Variants in NUCB2 observed in about 807,000 individuals in gnomAD.
NUCB2 encodes nucleobindin-2.
Under a neutral mutation model 57.9 loss-of-function variants are expected in NUCB2, and 48 were observed. The observed-to-expected ratio is 0.83, with a 90% CI of 0.66 to 1.05. The LOEUF is 1.05. Ranked by LOEUF, NUCB2 falls within the 50% of genes least tolerant of loss-of-function variation. The probability of loss-of-function intolerance (pLI) is 0.00; values close to 1 mark genes in which losing one functional copy is unlikely to be tolerated. For missense variants in NUCB2, 442 were observed against 476.2 expected, an observed-to-expected ratio of 0.93 and a Z score of 0.67; for synonymous variants, 139 against 152.1, an observed-to-expected ratio of 0.91 and a Z score of 0.64.
chr11:17,331,268 T>A (rs1256532738), intron 13 of NUCB2, 144 bp from the exon 14 acceptor site: 4 of 523,186 alleles, frequency 7.6e-6, no homozygotes, highest in Non-Finnish European at 1.3e-5. Flanking sequence ...ATTATATTAA[T>A]CTTACCAGAG....
intron 2 of NUCB2, among the ~76,000 whole-genome samples, chr11:17,339,042 C>T (rs1203730022): frequency 6.6e-6 from 1 of 151,744 alleles, no homozygotes; most frequent in Non-Finnish European, 1.5e-5. Flanking sequence ...GGCTGGAGTG[C>T]AGTGGCGCAA....
rs978534500 is a variant in NUCB2, at chr11:17,301,934, C to T, written c.379+64C>T. The T allele has an allele frequency of 1.7e-5, 24 of 1,432,926 alleles. No individual in the cohort carries two copies. The African/African-American group carries it at 3.1e-4, about 19-fold the overall frequency. 88.8% of individuals were successfully genotyped at this position (1,432,926 alleles called of 1,614,324 possible). A position where few individuals can be genotyped will look rare whatever the true frequency, so the allele number is the denominator to read the frequency against. On this transcript the variant is annotated intron_variant, in intron 5 of 13. Coordinates refer to ENST00000529010, the MANE Select transcript of NUCB2 (RefSeq NM_005013.4). The stretch of plus-strand genomic sequence containing the variant: ...TTTCCTTTTGAAACAGCGTTTTACC[C>T]TGTGGTTCAGGCTGGAGTGCAGTGG...
downstream of NUCB2, chr11:17,334,437 C>T (rs533544800): frequency 1.3e-5 from 2 of 152,408 alleles, no homozygotes; most frequent in South Asian, 4.1e-4. Flanking sequence ...ACATCTCTTC[C>T]TGCCTCTGTC....
intron 5 of NUCB2, among the ~76,000 whole-genome samples, chr11:17,304,239 CTAG>C (rs1458394756): frequency 1.3e-5 from 2 of 151,300 alleles, no homozygotes; most frequent in East Asian, 3.9e-4. Context: ...GTCACCCATG[CTAG>C]AGCATGCAGT....
chr11:17,338,146 C>T (rs763855612), intron 2 of NUCB2, among the ~76,000 whole-genome samples: 1 of 152,122 alleles, frequency 6.6e-6, no homozygotes, highest in Admixed American at 6.5e-5. Context: ...GCATTGCCAA[C>T]CTGTTTATTG....
chr11:17,302,403 A>G (rs1194299825), intron 5 of NUCB2, among the ~76,000 whole-genome samples: 3 of 152,186 alleles, frequency 2.0e-5, no homozygotes, highest in African/African-American at 4.8e-5. Context: ...AAAGTAATCA[A>G]TTAAACAACT....
At chr11:17,293,811 A>G (rs772090750) in intron 2 of NUCB2, among the ~76,000 whole-genome samples, 1 of 152,236 alleles carries the variant, frequency 6.6e-6, no homozygotes, top group Non-Finnish European at 1.5e-5. Context: ...ATATTGTATA[A>G]TTCCATTTAT....
chr11:17,307,642 A>G (rs1181195332), intron 5 of NUCB2, among the ~76,000 whole-genome samples: 1 of 152,126 alleles, frequency 6.6e-6, no homozygotes, highest in African/African-American at 2.4e-5. Context: ...TTACAGCTGC[A>G]TAGAACTCCA....
At chr11:17,292,276 C>G (rs1323474605) in intron 2 of NUCB2, among the ~76,000 whole-genome samples, 1 of 152,064 alleles carries the variant, frequency 6.6e-6, no homozygotes, top group Non-Finnish European at 1.5e-5. Context: ...TTAGTTCTGC[C>G]TTACTGCTTG....
intron 11 of NUCB2, among the ~76,000 whole-genome samples, chr11:17,327,343 G>A (rs891990111): frequency 2.6e-5 from 4 of 152,180 alleles, no homozygotes; most frequent in African/African-American, 7.2e-5. Context: ...TTACAGGTGT[G>A]AGCCACTACG....
chr11:17,295,201 ATT>A (rs67789971), intron 2 of NUCB2, 121 bp from the exon 3 acceptor site: 38 of 718,860 alleles, frequency 5.3e-5, no homozygotes, highest in Admixed American at 3.6e-4. Flanking sequence ...CTTTCCTATA[ATT>A]TTTTTTTTGT....
chr11:17,340,382 T>A (rs1358697648), intron 2 of NUCB2, among the ~76,000 whole-genome samples: 3 of 152,238 alleles, frequency 2.0e-5, no homozygotes, highest in African/African-American at 7.2e-5. Context: ...TTTTGGCTTT[T>A]GTTGCCATTG....
intron 2 of NUCB2, among the ~76,000 whole-genome samples, chr11:17,285,966 CAA>C (rs1491396481): frequency 6.7e-6 from 1 of 148,700 alleles, no homozygotes; most frequent in South Asian, 2.1e-4. Context: ...CACACACACA[CAA>C]AGCAAACTTA....
intron 2 of NUCB2, among the ~76,000 whole-genome samples, chr11:17,285,615 G>A (rs577425310): frequency 8.6e-5 from 13 of 150,722 alleles, no homozygotes; most frequent in Admixed American, 2.0e-4. Context: ...GTGGTGGCGG[G>A]CACCTGTAGT....
intron 2 of NUCB2, among the ~76,000 whole-genome samples, chr11:17,288,574 A>G (rs1944235642): frequency 2.8e-5 from 1 of 35,324 alleles, no homozygotes; most frequent in Non-Finnish European, 4.9e-5. Flanking sequence ...TTTTTGAGAC[A>G]GTCTCATTCT....
chr11:17,345,848 T>G (rs191392843), intron 2 of NUCB2, among the ~76,000 whole-genome samples: 1 of 152,182 alleles, frequency 6.6e-6, no homozygotes, highest in Non-Finnish European at 1.5e-5. Context: ...TTTAAAACTA[T>G]AAATAAATAA....
At position 17,311,241 on chromosome 11, in the gene NUCB2, G is replaced by T; in HGVS notation, c.718G>T (p.Asp240Tyr). 1 of 1,610,916 alleles carries T rather than the reference G, an allele frequency of 6.2e-7. No individual in the cohort carries two copies. The highest frequency in any genetic ancestry group is 8.5e-7 in the Non-Finnish European group (1 of 1,178,972). ...KEVWEETDGL[D>Y]PNDFDPKTFF... ...GGTATGGGAAGAGACTGATGGATTG[G>T]ATCCTAATGACTTTGACCCCAAGAC... Residue 240 changes from aspartate (D) to tyrosine (Y), a missense_variant, in exon 8 of 14, where the codon GAT becomes TAT. Transcript: ENST00000529010.
In NUCB2 at chr11:17,330,198, A is replaced by C; in HGVS notation, c.1074A>C (p.Glu358Asp). Reference sequence around the variant, plus strand: ...ATGAAAATATTATTGCTTTACAAGAAAATGAACTTAAGAAGAAGGCAGATG... The same window carrying C: ...ATGAAAATATTATTGCTTTACAAGACAATGAACTTAAGAAGAAGGCAGATG... ...KEYENIIALQ[E>D]NELKKKADEL... Residue 358 changes from glutamate to aspartate, a missense_variant, in exon 12 of 14, where the codon GAA (glutamate) becomes GAC (aspartate). Physicochemically the swap from Glu to Asp is conservative, Grantham distance 45. Transcript: ENST00000529010. The surrounding 1 kb of genome is among the most constrained non-coding windows in gnomAD (Gnocchi z 4.3). The C allele has an allele frequency of 6.2e-7, 1 of 1,603,974 alleles. No individual in the cohort carries two copies. Among genetic ancestry groups the C allele is most frequent in the Non-Finnish European group, 8.5e-7 (1 of 1,171,958 alleles).
intron 2 of NUCB2, among the ~76,000 whole-genome samples, chr11:17,342,408 G>T (rs1952350214): frequency 6.6e-6 from 1 of 151,968 alleles, no homozygotes; most frequent in Admixed American, 6.6e-5. Context: ...TGATGTTAGG[G>T]TGTCAATTTT....
Sources: allele counts gnomAD v4.1 joint callset (sites outside exome capture counted in the v4.1 genomes callset), GRCh38; gene constraint gnomAD v4.1.1; non-coding constraint Gnocchi (gnomAD v3.1); transcripts MANE v1.5; gene names NCBI Gene and HGNC (gene_info 2026-07-23, HGNC 2026-07-21).